The following TXNRD1 variants were observed in gnomAD, a reference collection of about 807,000 sequenced individuals.
The protein encoded by TXNRD1 is thioredoxin reductase 1.
Under a neutral mutation model 80.3 loss-of-function variants are expected in TXNRD1, and 57 were observed. That is an observed-to-expected ratio of 0.71 (90% confidence interval 0.57 to 0.89). TXNRD1 has a LOEUF of 0.89. Among genes scored for constraint, TXNRD1 ranks in the 40% least tolerant of loss-of-function variants. The pLI is 0.00. For synonymous variants in TXNRD1, 291 were observed against 285.2 expected, an observed-to-expected ratio of 1.02 and a Z score of -0.20; for missense variants, 730 against 803.0, an observed-to-expected ratio of 0.91 and a Z score of 1.10.
chr12:104,319,670 C>T, intron 9 of TXNRD1, 85 bp downstream of exon 9: 1 of 1,009,558 alleles, frequency 9.9e-7, no homozygotes, highest in Non-Finnish European at 1.5e-6. Context: ...GCGTCAATTT[C>T]TTGGGCTTCA....
chr12:104,249,179 G>A (rs1418036909), intron 1 of TXNRD1, among the ~76,000 whole-genome samples: 12 of 152,326 alleles, frequency 7.9e-5, no homozygotes, highest in African/African-American at 2.9e-4. Context: ...CACGTCTGGT[G>A]AGGGCCCACT....
chr12:104,218,560 T>C (rs2032275646), intron 1 of TXNRD1, among the ~76,000 whole-genome samples: 1 of 152,190 alleles, frequency 6.6e-6, no homozygotes, highest in Non-Finnish European at 1.5e-5. Flanking sequence ...AATTTAGGCA[T>C]ATTTTAAGCA....
rs1325533930 is a variant in TXNRD1, at chr12:104,315,790, A to T, written c.624A>T (p.Thr208=). ...ATGTTGTTGTAGGTCTCGGAGGAAC[A>T]TGTGTGAATGTGGGTTGCATACCTA... is the stretch of plus-strand genomic sequence containing the variant. The part of the protein sequence containing the change: ...PLGTRWGLGG[T]CVNVGCIPKK... Residue 208 remains threonine (T), a synonymous_variant, in exon 7 of 17, where the codon ACA becomes ACT. Transcript: ENST00000525566. 1 of 1,609,988 alleles carries T rather than the reference A, an allele frequency of 6.2e-7. No homozygotes were observed. Among genetic ancestry groups the T allele is most frequent in the Admixed American group, 1.7e-5 (1 of 59,818 alleles).
intron 1 of TXNRD1, among the ~76,000 whole-genome samples, chr12:104,220,680 G>A (rs1334144897): frequency 5.6e-5 from 8 of 143,408 alleles, no homozygotes; most frequent in African/African-American, 7.6e-5. Flanking sequence ...AGCTGAGGTC[G>A]TGCCATTGCA....
At chr12:104,253,928 C>T (rs191840849) in intron 2 of TXNRD1, among the ~76,000 whole-genome samples, 36 of 152,228 alleles carry the variant, frequency 2.4e-4, no homozygotes, top group Middle Eastern at 3.4e-3. Context: ...CTGAGCTTGT[C>T]GTGATCCTCC....
chr12:104,242,280 C>T (rs184661320), intron 1 of TXNRD1, among the ~76,000 whole-genome samples: 10 of 149,720 alleles, frequency 6.7e-5, no homozygotes, highest in East Asian at 2.1e-4. Flanking sequence ...CTGGGTGCGG[C>T]GGCTCACGCC....
chr12:104,220,559 A>C (rs553971395), intron 1 of TXNRD1, among the ~76,000 whole-genome samples: 1 of 152,034 alleles, frequency 6.6e-6, no homozygotes, highest in African/African-American at 2.4e-5. Flanking sequence ...CCCCATCTCT[A>C]CTAAAAAAAT....
chr12:104,233,584 CAA>C (rs2032669800), intron 1 of TXNRD1, among the ~76,000 whole-genome samples: 2 of 152,186 alleles, frequency 1.3e-5, no homozygotes, highest in Non-Finnish European at 2.9e-5. Flanking sequence ...TGCAATGGCA[CAA>C]TCTCGGCTCA....
chr12:104,233,437 A>C (rs2032665937), intron 1 of TXNRD1, among the ~76,000 whole-genome samples: 1 of 152,240 alleles, frequency 6.6e-6, no homozygotes. Flanking sequence ...CCATAAGTTA[A>C]GAGTACTCAC....
At chr12:104,328,824 T>G (rs1347663012) in intron 13 of TXNRD1, among the ~76,000 whole-genome samples, 1 of 152,048 alleles carries the variant, frequency 6.6e-6, no homozygotes, top group African/African-American at 2.4e-5. Context: ...AATGTTATAT[T>G]GAATTTTAAA....
intron 3 of TXNRD1, among the ~76,000 whole-genome samples, chr12:104,263,552 T>C (rs1245268263): frequency 6.6e-6 from 1 of 152,214 alleles, no homozygotes; most frequent in Non-Finnish European, 1.5e-5. Flanking sequence ...ACAGGGCCTG[T>C]TGATTTACAA....
chr12:104,332,509 G>C (rs1451702690), intron 14 of TXNRD1, among the ~76,000 whole-genome samples: 1 of 151,922 alleles, frequency 6.6e-6, no homozygotes, highest in Non-Finnish European at 1.5e-5. Context: ...CAGCACTTTG[G>C]GAGGCCGAGG....
At chr12:104,265,986 G>A (rs1323606682) in intron 3 of TXNRD1, 6 of 595,500 alleles carry the variant, frequency 1.0e-5, no homozygotes, top group East Asian at 2.9e-5. Context: ...AATAATAATA[G>A]GTTTTTAAAA....
At chr12:104,291,196 CTTTTT>C (rs35069007) in intron 4 of TXNRD1, 818 of 135,870 alleles carry the variant, frequency 6.0e-3, no homozygotes, top group East Asian at 0.014. Context: ...TACTTTGTGT[CTTTTT>C]TTTTTTTTTT....
At chr12:104,239,778 C>T (rs1170446559) in intron 1 of TXNRD1, among the ~76,000 whole-genome samples, 3 of 152,128 alleles carry the variant, frequency 2.0e-5, no homozygotes, top group Admixed American at 6.5e-5. Flanking sequence ...CCACCACACC[C>T]AGCCTCATTT....
intron 10 of TXNRD1, among the ~76,000 whole-genome samples, chr12:104,322,797 A>AT (rs34502129): frequency 4.2e-4 from 63 of 148,452 alleles, no homozygotes; most frequent in Middle Eastern, 3.5e-3. Flanking sequence ...CCTATATACA[A>AT]TTTTTTTTTT....
chr12:104,339,330 C>G, intron 16 of TXNRD1, 57 bp downstream of exon 16: 3 of 1,606,388 alleles, frequency 1.9e-6, no homozygotes, highest in Non-Finnish European at 2.6e-6. Flanking sequence ...CATAGAAGCA[C>G]ACCACCCAGC....
At chr12:104,244,158 T>C (rs1030530676) in intron 1 of TXNRD1, among the ~76,000 whole-genome samples, 1 of 152,200 alleles carries the variant, frequency 6.6e-6, no homozygotes, top group Non-Finnish European at 1.5e-5. Context: ...CTAAGCAATG[T>C]GTAGACTGAG....
At chr12:104,302,911 G>C (rs1409631885) in intron 4 of TXNRD1, among the ~76,000 whole-genome samples, 1 of 152,148 alleles carries the variant, frequency 6.6e-6, no homozygotes, top group African/African-American at 2.4e-5. Flanking sequence ...TTCCCACGCA[G>C]ATTACTCACC....
Sources: gnomAD v4.1 joint callset for allele counts (sites outside exome capture counted in the v4.1 genomes callset) on GRCh38, gnomAD v4.1.1 for gene constraint, MANE v1.5 for transcripts, NCBI Gene and HGNC (gene_info 2026-07-23, HGNC 2026-07-21) for gene names.